ABL1: variants seen among roughly 807,000 people sequenced by gnomAD.
The protein encoded by ABL1 is tyrosine-protein kinase ABL1.
ABL1 carries 11 observed loss-of-function variants against 94.7 expected under a neutral mutation model. That is an observed-to-expected ratio of 0.12 (90% CI 0.07 to 0.19). The LOEUF (loss-of-function observed/expected upper bound fraction) is 0.19, where lower values mean the gene tolerates loss of function less well. ABL1 is among the 10% of genes least tolerant of loss of function. The pLI, the probability that ABL1 is intolerant of heterozygous loss-of-function variation, is 1.00. For synonymous variants in ABL1, 656 were observed against 622.4 expected, an observed-to-expected ratio of 1.05 and a Z score of -0.80; for missense variants, 1,082 against 1,489.4, an observed-to-expected ratio of 0.73 and a Z score of 4.50.
At chr9:130,802,077 T>C (rs1830062401) in intron 1 of ABL1, among the ~76,000 whole-genome samples, 1 of 151,474 alleles carries the variant, frequency 6.6e-6, no homozygotes, top group Non-Finnish European at 1.5e-5. Context: ...CTGAGTCTGT[T>C]CATTTTTTTC....
At chr9:130,799,694 A>G (rs1290361244) in intron 1 of ABL1, among the ~76,000 whole-genome samples, 1 of 152,200 alleles carries the variant, frequency 6.6e-6, no homozygotes, top group Non-Finnish European at 1.5e-5. Context: ...TATCATGATG[A>G]TAAAGTGTGT....
chr9:130,794,729 G>A (rs572263175), intron 1 of ABL1, among the ~76,000 whole-genome samples: 3 of 152,270 alleles, frequency 2.0e-5, no homozygotes, highest in Admixed American at 6.5e-5. Context: ...ATGTTACCCC[G>A]AGAAAGTCTT....
At chr9:130,819,281 G>C (rs949442320) in intron 1 of ABL1, among the ~76,000 whole-genome samples, 1 of 152,092 alleles carries the variant, frequency 6.6e-6, no homozygotes, top group Non-Finnish European at 1.5e-5. Context: ...GAACCCAGGA[G>C]GCGGGGAGGT....
chr9:130,856,272 G>C (rs950183466), intron 3 of ABL1, among the ~76,000 whole-genome samples: 5 of 152,098 alleles, frequency 3.3e-5, no homozygotes, highest in African/African-American at 1.2e-4. Context: ...ATTTTTAGTA[G>C]AGACAGGGTT....
intron 1 of ABL1, among the ~76,000 whole-genome samples, chr9:130,766,588 C>G (rs971412345): frequency 6.6e-6 from 1 of 152,130 alleles, no homozygotes; most frequent in South Asian, 2.1e-4. Flanking sequence ...TGCCTTAGGA[C>G]TTGGGGACAA....
intron 1 of ABL1, among the ~76,000 whole-genome samples, chr9:130,802,840 T>C (rs1279399957): frequency 6.6e-6 from 1 of 152,096 alleles, no homozygotes; most frequent in African/African-American, 2.4e-5. Context: ...CTAATACTTG[T>C]TTGGTTTTAT....
At chr9:130,760,935 C>T (rs983830044) in intron 1 of ABL1, among the ~76,000 whole-genome samples, 5 of 147,674 alleles carry the variant, frequency 3.4e-5, no homozygotes, top group South Asian at 4.3e-4. Flanking sequence ...TTTCCTCCCC[C>T]GCCCCTGCTT....
In ABL1 at chr9:130,884,581, G is replaced by A. The variant is rs575721187; in HGVS notation, c.2291G>A (p.Arg764Gln). Residue 764 changes from arginine (R) to glutamine (Q), a missense_variant, in exon 11 of 11, where the codon CGG becomes CAG. By Grantham distance (43) the Arg-to-Gln change is conservative (BLOSUM62 1). This residue lies in a region of ABL1 where 780 missense variants were observed against 835.8 expected (regional missense o/e 0.93). Transcript: ENST00000318560. This position sits in a 1 kb window ranked among gnomAD's most constrained non-coding sequence, Gnocchi z 5.6. ...AAAAGTGAGAAGCCGGCTCTGCCTC[G>A]GAAGAGGGCAGGGGAGAACAGGTCT... Reference protein sequence around the residue: ...GHKSEKPALPRKRAGENRSDQ... With the variant: ...GHKSEKPALPQKRAGENRSDQ... 25 of 1,613,340 alleles carry A rather than the reference G, an allele frequency of 1.5e-5. No individual in the cohort carries two copies. The highest frequency in any genetic ancestry group is 1.3e-4 in the East Asian group (6 of 44,874).
At chr9:130,795,384 C>A (rs1208870493) in intron 1 of ABL1, among the ~76,000 whole-genome samples, 1 of 152,152 alleles carries the variant, frequency 6.6e-6, no homozygotes, top group African/African-American at 2.4e-5. Context: ...TGTAGCTGTT[C>A]CTTTGCTCTT....
At chr9:130,795,720 T>C (rs1188569944) in intron 1 of ABL1, among the ~76,000 whole-genome samples, 1 of 152,192 alleles carries the variant, frequency 6.6e-6, no homozygotes, top group East Asian at 1.9e-4. Flanking sequence ...AATTAAATAA[T>C]CAACATGTTT....
At chr9:130,873,518 C>T (rs138908765) in intron 6 of ABL1, among the ~76,000 whole-genome samples, 5 of 152,182 alleles carry the variant, frequency 3.3e-5, no homozygotes, top group African/African-American at 1.2e-4. Flanking sequence ...GTCTTTTTTT[C>T]CTGCTTTCTC....
At chr9:130,856,220 C>T (rs1294402874) in intron 3 of ABL1, among the ~76,000 whole-genome samples, 4 of 152,210 alleles carry the variant, frequency 2.6e-5, no homozygotes, top group Non-Finnish European at 5.9e-5. Flanking sequence ...TTCCAGGTAG[C>T]TGGGATTACA....
At chr9:130,743,000 A>AT (rs1165759896) in intron 1 of ABL1, among the ~76,000 whole-genome samples, 2 of 152,190 alleles carry the variant, frequency 1.3e-5, no homozygotes, top group Non-Finnish European at 2.9e-5. Flanking sequence ...ATGGGACTGA[A>AT]TTTGCTTCAC....
intron 1 of ABL1, among the ~76,000 whole-genome samples, chr9:130,771,669 C>G (rs1370456044): frequency 6.6e-6 from 1 of 151,658 alleles, no homozygotes; most frequent in African/African-American, 2.4e-5. Context: ...TTAAGTCATA[C>G]TGGGATAGCA....
chr9:130,738,169 G>C (rs1831769735), intron 1 of ABL1, among the ~76,000 whole-genome samples: 1 of 152,096 alleles, frequency 6.6e-6, no homozygotes, highest in African/African-American at 2.4e-5. Flanking sequence ...AAAACCAAAA[G>C]ATAAGACCCG....
chr9:130,868,132 G>C (rs1831188571), intron 4 of ABL1, among the ~76,000 whole-genome samples: 1 of 151,900 alleles, frequency 6.6e-6, no homozygotes, highest in Admixed American at 6.6e-5. Context: ...CTAATTTTTT[G>C]TATTTTTAGT....
chr9:130,736,199 C>T (rs1211370700), intron 1 of ABL1, among the ~76,000 whole-genome samples: 2 of 151,834 alleles, frequency 1.3e-5, no homozygotes, highest in Non-Finnish European at 2.9e-5. Flanking sequence ...CAAGTGCCTC[C>T]TTGGCCTTCC....
intron 1 of ABL1, among the ~76,000 whole-genome samples, chr9:130,746,375 A>G (rs1357186288): frequency 6.6e-6 from 1 of 151,988 alleles, no homozygotes; most frequent in Non-Finnish European, 1.5e-5. Flanking sequence ...ATAGATTTGT[A>G]TAACTACCAT....
intron 1 of ABL1, among the ~76,000 whole-genome samples, chr9:130,738,922 G>T (rs975205765): frequency 6.6e-6 from 1 of 152,014 alleles, no homozygotes; most frequent in Non-Finnish European, 1.5e-5. Flanking sequence ...TTGCTCTGTC[G>T]CCCAGGCTGG....
Sources: gnomAD v4.1 joint callset for allele counts (sites outside exome capture counted in the v4.1 genomes callset) on GRCh38, gnomAD v4.1.1 for gene constraint, gnomAD v4.1.1 regional missense constraint, Gnocchi (gnomAD v3.1) non-coding constraint, MANE v1.5 for transcripts, NCBI Gene and HGNC (gene_info 2026-07-23, HGNC 2026-07-21) for gene names.